The following RAPH1 variants were observed in gnomAD, a reference collection of about 807,000 sequenced individuals.
RAPH1 encodes the protein ras-associated and pleckstrin homology domains-containing protein 1.
RAPH1 carries 18 observed loss-of-function variants against 88.1 expected under a neutral mutation model. That is an observed-to-expected ratio of 0.20 (90% confidence interval 0.14 to 0.30). The LOEUF is 0.30. Among genes scored for constraint, RAPH1 ranks in the 10% least tolerant of loss-of-function variants. The probability of loss-of-function intolerance (pLI) is 1.00; values close to 1 mark genes in which losing one functional copy is unlikely to be tolerated. For missense variants in RAPH1, 1,448 were observed against 1,543.2 expected, an observed-to-expected ratio of 0.94 and a Z score of 1.03; for synonymous variants, 587 against 559.0, an observed-to-expected ratio of 1.05 and a Z score of -0.71.
intron 4 of RAPH1, among the ~76,000 whole-genome samples, chr2:203,469,652 A>G (rs1415743343): frequency 6.6e-6 from 1 of 152,268 alleles, no homozygotes; most frequent in Non-Finnish European, 1.5e-5. Flanking sequence ...TCCCTAGTTA[A>G]TGATGACAAT....
intron 4 of RAPH1, among the ~76,000 whole-genome samples, chr2:203,464,767 A>T (rs1025863606): frequency 4.0e-5 from 6 of 148,780 alleles, no homozygotes; most frequent in East Asian, 1.9e-4. Flanking sequence ...GAACTGTTAT[A>T]AAAAAAAAGA....
In RAPH1 at chr2:203,471,003, G is replaced by A. The variant is rs185841408; in HGVS notation, c.733-9078C>T. 3.2e-3 allele frequency among the ~76,000 whole-genome samples: 494 copies of A among 152,228 alleles called. 1 individual carries two copies. Among genetic ancestry groups the A allele is most frequent in the Non-Finnish European group, 4.3e-3 (290 of 68,016 alleles). On this transcript the variant is annotated intron_variant, in intron 4 of 13. Coordinates refer to ENST00000319170, the MANE Select transcript of RAPH1 (RefSeq NM_213589.3). ...TAAATTAATTCAAGTAACTGTTTTCGTGAAAATAATTTGTAAATGGCATGG... is the reference window on the plus strand; with the variant it reads ...TAAATTAATTCAAGTAACTGTTTTCATGAAAATAATTTGTAAATGGCATGG...
chr2:203,454,179 A>G (rs1315001713), intron 10 of RAPH1, among the ~76,000 whole-genome samples: 10 of 152,198 alleles, frequency 6.6e-5, no homozygotes, highest in Admixed American at 5.9e-4. Flanking sequence ...TTTATAATCA[A>G]ATACATTTTA....
At chr2:203,458,171 A>C (rs1268031931) in intron 7 of RAPH1, among the ~76,000 whole-genome samples, 1 of 152,222 alleles carries the variant, frequency 6.6e-6, no homozygotes, top group Non-Finnish European at 1.5e-5. Flanking sequence ...GAAGTTCAAG[A>C]CCAGCCTGAC....
At chr2:203,526,541 A>G (rs1690122230) in intron 1 of RAPH1, among the ~76,000 whole-genome samples, 1 of 151,978 alleles carries the variant, frequency 6.6e-6, no homozygotes, top group South Asian at 2.1e-4. Context: ...CCTGGCCAAC[A>G]TGGTAAAACC....
At chr2:203,530,891 CA>C (rs201025369) in intron 1 of RAPH1, among the ~76,000 whole-genome samples, 5,855 of 113,862 alleles carry the variant, frequency 0.051, 336 homozygotes, top group African/African-American at 0.16. Context: ...GACTCCATCT[CA>C]AAAAAAAAAA....
Position 203,477,138 on chromosome 2 carries a change from A to G in RAPH1, c.732+12446T>C, listed in dbSNP as rs779158893. On this transcript the variant is annotated intron_variant, in intron 4 of 13. Coordinates refer to ENST00000319170, the MANE Select transcript of RAPH1 (RefSeq NM_213589.3). ...TGACGCTTGGCCTGCTTGCTGGAAC[A>G]TCTCAGAGAAATAGCATGCTGTGAA... The G allele has an allele frequency of 4.3e-6, 7 of 1,613,998 alleles. No homozygotes were observed. In the Admixed American group the frequency reaches 1.2e-4, roughly 27 times the overall value.
chr2:203,511,599 A>G (rs1689344320), intron 1 of RAPH1, among the ~76,000 whole-genome samples: 1 of 152,198 alleles, frequency 6.6e-6, no homozygotes, highest in Non-Finnish European at 1.5e-5. Flanking sequence ...AATTATCGGT[A>G]CATTTGTCAC....
chr2:203,515,738 G>T (rs1689572205), intron 1 of RAPH1, among the ~76,000 whole-genome samples: 1 of 152,182 alleles, frequency 6.6e-6, no homozygotes, highest in African/African-American at 2.4e-5. Flanking sequence ...CATTTAAAGT[G>T]TTGAGAGAAA....
chr2:203,489,710 G>A lies in RAPH1; in HGVS notation c.606C>T (p.His202=), dbSNP rs752968088. The change falls in exon 4 of 14, where the codon CAC becomes CAT. Residue 202 remains histidine, a synonymous_variant. Coordinates refer to ENST00000319170, the MANE Select transcript of RAPH1 (RefSeq NM_213589.3). ...SAGTVSDAEV[H]SISNSSHSSI... is the part of the protein sequence containing the mutation. ...TGGAATGGGAGGAATTACTAATAGA[G>A]TGTACTTCAGCATCACTCACTGTGC... is the stretch of plus-strand genomic sequence containing the variant. 133 of 1,614,022 alleles carry A rather than the reference G, an allele frequency of 8.2e-5. No homozygotes were observed. Among genetic ancestry groups the A allele is most frequent in the Non-Finnish European group, 9.2e-5 (109 of 1,180,040 alleles).
chr2:203,522,895 CAAAAAAAAAAAA>C (rs59862473), intron 1 of RAPH1, among the ~76,000 whole-genome samples: 7 of 85,842 alleles, frequency 8.2e-5, no homozygotes, highest in Admixed American at 5.6e-4. Context: ...GACTCTGTCT[CAAAAAAAAAAAA>C]AAAAAAAAAG....
At chr2:203,441,822 C>T in intron 13 of RAPH1, 1 of 1,304,742 alleles carries the variant, frequency 7.7e-7, no homozygotes, top group Non-Finnish European at 9.7e-7. Flanking sequence ...CTCCAGTTTA[C>T]CTTTCAGTCC....
chr2:203,452,209 T>C (rs2098515494), intron 10 of RAPH1, among the ~76,000 whole-genome samples: 1 of 152,216 alleles, frequency 6.6e-6, no homozygotes, highest in South Asian at 2.1e-4. Flanking sequence ...GTGGATTATG[T>C]CTACTGATAT....
chr2:203,511,807 C>T (rs539515775), intron 1 of RAPH1, among the ~76,000 whole-genome samples: 119 of 152,146 alleles, frequency 7.8e-4, no homozygotes, highest in Middle Eastern at 3.4e-3. Context: ...TCCACACAGT[C>T]GCTAAAAGAG....
chr2:203,447,854 G>A lies in RAPH1; in HGVS notation c.1633+105C>T, dbSNP rs555541777. The A allele has an allele frequency of 5.9e-6, 7 of 1,186,162 alleles. No individual in the cohort carries two copies. The African/African-American group carries it at 9.2e-5, about 16-fold the overall frequency. 73.5% of individuals were successfully genotyped at this position (1,186,162 alleles called of 1,614,324 possible). On this transcript the variant is annotated intron_variant, in intron 12 of 13. Coordinates refer to ENST00000319170, the MANE Select transcript of RAPH1 (RefSeq NM_213589.3). ...GATTATAATTTAGGAATTAAGTATG[G>A]CTCCGGTTTTTAAGAATCAAGTTGA...
intron 10 of RAPH1, among the ~76,000 whole-genome samples, chr2:203,451,484 G>C (rs1365652691): frequency 6.6e-6 from 1 of 152,086 alleles, no homozygotes; most frequent in Non-Finnish European, 1.5e-5. Flanking sequence ...GTGCCCCTTT[G>C]AATCTGCTAC....
intron 1 of RAPH1, among the ~76,000 whole-genome samples, chr2:203,521,042 C>T (rs567678013): frequency 6.5e-4 from 99 of 152,098 alleles, no homozygotes; most frequent in African/African-American, 2.2e-3. Flanking sequence ...CAGTAAAATA[C>T]GCAGGTTTTG....
At chr2:203,506,989 C>T (rs1437236934) in intron 1 of RAPH1, among the ~76,000 whole-genome samples, 2 of 147,312 alleles carry the variant, frequency 1.4e-5, no homozygotes, top group Non-Finnish European at 3.0e-5. Context: ...CTCCACCTCC[C>T]AGGTTCAAGC....
At chr2:203,511,050 A>C (rs900166741) in intron 1 of RAPH1, among the ~76,000 whole-genome samples, 17 of 152,276 alleles carry the variant, frequency 1.1e-4, no homozygotes, top group African/African-American at 3.9e-4. Flanking sequence ...ATTTATAGCT[A>C]ATCAGCTTTG....
Sources: gnomAD v4.1 joint callset for allele counts (sites outside exome capture counted in the v4.1 genomes callset) on GRCh38, gnomAD v4.1.1 for gene constraint, MANE v1.5 for transcripts, NCBI Gene and HGNC (gene_info 2026-07-23, HGNC 2026-07-21) for gene names.